Variants in FBXW11 observed in about 807,000 individuals in gnomAD.
FBXW11 encodes F-box/WD repeat-containing protein 11.
A neutral mutation model predicts 77.6 loss-of-function variants in FBXW11; 19 were observed. That is an observed-to-expected ratio of 0.24 (90% confidence interval 0.17 to 0.36). FBXW11 has a LOEUF of 0.36. FBXW11 is among the 10% of genes least tolerant of loss of function. FBXW11 has a pLI of 1.00. For missense variants in FBXW11, 334 were observed against 704.2 expected, an observed-to-expected ratio of 0.47 and a Z score of 5.95; for synonymous variants, 235 against 249.4, an observed-to-expected ratio of 0.94 and a Z score of 0.54.
intron 4 of FBXW11, among the ~76,000 whole-genome samples, chr5:171,901,113 C>T (rs1362125328): frequency 6.6e-6 from 1 of 152,098 alleles, no homozygotes; most frequent in Non-Finnish European, 1.5e-5. Flanking sequence ...CTGAAACATC[C>T]CTGTGCCTTG....
rs761453523 is a variant in FBXW11 at position 171,876,538 on chromosome 5, G to A, written c.972-4C>T. 11 of 1,611,478 alleles carry A rather than the reference G, an allele frequency of 6.8e-6. No individual in the cohort carries two copies. The highest frequency in any genetic ancestry group is 3.3e-5 in the Admixed American group (2 of 59,986). The stretch of plus-strand genomic sequence containing the variant: ...ACCCGTGTTCACATCCCACACTCTA[G>A]GAGAGAAGAGAAAAGCATGATGCTT... On this transcript the variant is annotated splice_polypyrimidine_tract_variant and splice_region_variant and intron_variant, in intron 8 of 13. Transcript: ENST00000517395. The surrounding 1 kb of genome is among the most constrained non-coding windows in gnomAD (Gnocchi z 4.2).
At chr5:171,935,972 A>G (rs1367055358) in intron 2 of FBXW11, among the ~76,000 whole-genome samples, 1 of 151,774 alleles carries the variant, frequency 6.6e-6, no homozygotes. Context: ...TTAGCCAGGC[A>G]TGGTGGCGGG....
At chr5:171,899,214 G>T in intron 5 of FBXW11, 120 bp from the exon 6 acceptor site, 1 of 630,984 alleles carries the variant, frequency 1.6e-6, no homozygotes, top group Non-Finnish European at 2.6e-6. Context: ...AGTTTTAACA[G>T]TTCAAAAGCA....
intron 1 of FBXW11, among the ~76,000 whole-genome samples, chr5:171,981,287 T>C (rs1489195249): frequency 6.6e-6 from 1 of 152,172 alleles, no homozygotes; most frequent in Non-Finnish European, 1.5e-5. Flanking sequence ...TTGCCCTACA[T>C]ACCTCTTAGT....
At chr5:171,906,306 T>C (rs1760515556) in intron 4 of FBXW11, among the ~76,000 whole-genome samples, 2 of 145,968 alleles carry the variant, frequency 1.4e-5, no homozygotes, top group South Asian at 2.4e-4. Flanking sequence ...AACAATGCAA[T>C]TGCTAACAGC....
intron 1 of FBXW11, 87 bp downstream of exon 1, chr5:172,006,371 G>A (rs1766774261): frequency 1.6e-6 from 2 of 1,242,362 alleles, no homozygotes; most frequent in Admixed American, 2.6e-5. Flanking sequence ...AAGGGCCAGA[G>A]CCGGCCTCGC....
Position 171,899,088 on chromosome 5 carries a change from C to T in FBXW11, c.630G>A (p.Gln210=). Residue 210 remains glutamine, a synonymous_variant, in exon 6 of 14, where the codon CAG becomes CAA. Transcript: ENST00000517395. ...CTGTGGGTCTGTTTTTAAACAGGTA[C>T]TGATCCCTGGCAAATAAAAACAAAC... ...KGLSERRGWD[Q]YLFKNRPTDG... The T allele has an allele frequency of 6.3e-7, 1 of 1,595,174 alleles. No individual in the cohort carries two copies. Among genetic ancestry groups the T allele is most frequent in the Non-Finnish European group, 8.5e-7 (1 of 1,173,640 alleles).
chr5:171,937,565 G>C (rs954299902), intron 2 of FBXW11, among the ~76,000 whole-genome samples: 4 of 152,140 alleles, frequency 2.6e-5, no homozygotes, highest in Non-Finnish European at 4.4e-5. Flanking sequence ...GCCGGATACA[G>C]TGGCTCACAC....
At chr5:171,983,221 G>C (rs1210363382) in intron 1 of FBXW11, among the ~76,000 whole-genome samples, 3 of 151,968 alleles carry the variant, frequency 2.0e-5, no homozygotes, top group Non-Finnish European at 4.4e-5. Context: ...AAGAGGACAG[G>C]GTTCTAGACA....
chr5:171,904,901 A>T lies in FBXW11; in HGVS notation c.437-4801T>A, dbSNP rs190646787. Among the ~76,000 whole-genome samples the T allele has an allele frequency of 1.1e-4, 17 of 152,228 alleles. No homozygotes were observed. The East Asian group carries it at 3.1e-3, about 28-fold the overall frequency. ...CTGTATTTTTAAGAAGTGCCACTAG[A>T]TAATGCTGAAGTATTAGGAACTATT... On this transcript the variant is annotated intron_variant, in intron 4 of 13. Transcript: ENST00000517395. This position sits in a 1 kb window ranked among gnomAD's most constrained non-coding sequence, Gnocchi z 4.0.
At chr5:171,970,751 AG>A (rs1218069850) in intron 1 of FBXW11, among the ~76,000 whole-genome samples, 6 of 152,364 alleles carry the variant, frequency 3.9e-5, no homozygotes, top group African/African-American at 1.2e-4. Flanking sequence ...AAGATAATAA[AG>A]TGGCACATTT....
intron 7 of FBXW11, among the ~76,000 whole-genome samples, chr5:171,880,656 T>G (rs1365239414): frequency 6.6e-6 from 1 of 152,236 alleles, no homozygotes; most frequent in Non-Finnish European, 1.5e-5. Context: ...TTTGTTAGAT[T>G]TATACCTAAG....
intron 1 of FBXW11, among the ~76,000 whole-genome samples, chr5:171,963,191 AC>A (rs1463217192): frequency 1.4e-4 from 2 of 13,960 alleles, no homozygotes; most frequent in Non-Finnish European, 4.4e-3. Context: ...ACACATACAC[AC>A]ACACACACAC....
chr5:171,961,693 C>A (rs1763919709), intron 1 of FBXW11, among the ~76,000 whole-genome samples: 1 of 152,064 alleles, frequency 6.6e-6, no homozygotes, highest in African/African-American at 2.4e-5. Context: ...GTCACCCAGG[C>A]TGGAGTGCGG....
rs568398038 is a variant in FBXW11 at position 171,974,803 on chromosome 5, T to C, written c.46-17105A>G. ...GGTTAAGATCCCAAGTCTAACACTA[T>C]GTGACCTCTTTTGAGAATTTCGATC... On this transcript the variant is annotated intron_variant, in intron 1 of 13. Transcript: ENST00000517395. Among the ~76,000 whole-genome samples the C allele has an allele frequency of 3.2e-4, 48 of 152,324 alleles. No homozygotes were observed. The South Asian group carries it at 9.5e-3, about 30-fold the overall frequency.
rs563706243 is a variant in FBXW11, at chr5:171,960,285, G to A, written c.46-2587C>T. 4.6e-5 allele frequency among the ~76,000 whole-genome samples: 7 copies of A among 152,320 alleles called. No individual in the cohort carries two copies. In the East Asian group the frequency reaches 1.2e-3, roughly 25 times the overall value. ...AGCTGCTCGGAAGGCTGGGGTGGGA[G>A]GATTGCTTGAGCTTGGAAGGTGGAG... On this transcript the variant is annotated intron_variant, in intron 1 of 13. Coordinates refer to ENST00000517395, the MANE Select transcript of FBXW11 (RefSeq NM_001378974.1).
chr5:171,921,979 T>C lies in FBXW11; in HGVS notation c.148-7574A>G, dbSNP rs139817661. ...ATCTCAAACTCCCAGGCTCAAGTGATCCTCCTGTCTCAGCTTCCCAAGTCA... is the reference window on the plus strand; with the variant it reads ...ATCTCAAACTCCCAGGCTCAAGTGACCCTCCTGTCTCAGCTTCCCAAGTCA... On this transcript the variant is annotated intron_variant, in intron 2 of 13. Transcript: ENST00000517395. Among the ~76,000 whole-genome samples, 341 of 149,806 alleles carry C rather than the reference T, an allele frequency of 2.3e-3. 2 individuals are homozygous for C. Among genetic ancestry groups the C allele is most frequent in the African/African-American group, 8.3e-3 (339 of 40,624 alleles).
Position 171,863,546 on chromosome 5 carries a change from T to A in FBXW11, c.*581A>T, listed in dbSNP as rs1242543150. On this transcript the variant is annotated 3_prime_UTR_variant, in exon 14 of 14. Transcript: ENST00000517395. ...AAGAAATTGGTACAGAAAGGAAGTA[T>A]AATCCCAAAAATATTACTAAAACAA... is the stretch of plus-strand genomic sequence containing the variant. The A allele has an allele frequency of 6.6e-6, 1 of 152,584 alleles. No homozygotes were observed. Among genetic ancestry groups the A allele is most frequent in the African/African-American group, 2.4e-5 (1 of 41,438 alleles). The allele number at this position is 152,584 out of a possible 1,614,324, so 9.5% of individuals were successfully genotyped here.
intron 11 of FBXW11, among the ~76,000 whole-genome samples, chr5:171,870,290 A>G (rs1039925734): frequency 6.6e-6 from 1 of 152,158 alleles, no homozygotes; most frequent in African/African-American, 2.4e-5. Context: ...TACAGTTGCC[A>G]TTTGCTCATT....
Sources: gnomAD v4.1 joint callset for allele counts (sites outside exome capture counted in the v4.1 genomes callset) on GRCh38, gnomAD v4.1.1 for gene constraint, Gnocchi (gnomAD v3.1) non-coding constraint, MANE v1.5 for transcripts, NCBI Gene and HGNC (gene_info 2026-07-23, HGNC 2026-07-21) for gene names.